The following SMAD1 variants were observed in gnomAD, a reference collection of about 807,000 sequenced individuals.
SMAD1 encodes MAD, mothers against decapentaplegic homolog 1.
SMAD1 carries 6 observed loss-of-function variants against 41.6 expected under a neutral mutation model. The observed-to-expected ratio is 0.14, with a 90% CI of 0.08 to 0.28. SMAD1 has a LOEUF of 0.28. Ranked by LOEUF, SMAD1 falls within the 10% of genes least tolerant of loss-of-function variation. The pLI is 1.00. For missense variants in SMAD1, 379 were observed against 582.6 expected, an observed-to-expected ratio of 0.65 and a Z score of 3.60; for synonymous variants, 206 against 203.2, an observed-to-expected ratio of 1.01 and a Z score of -0.12.
At chr4:145,489,954 G>A (rs1247089602) in intron 1 of SMAD1, among the ~76,000 whole-genome samples, 1 of 152,178 alleles carries the variant, frequency 6.6e-6, no homozygotes, top group African/African-American at 2.4e-5. Flanking sequence ...GGTCAGAGGA[G>A]TGGGAAAACC....
intron 1 of SMAD1, among the ~76,000 whole-genome samples, chr4:145,509,463 C>A (rs554164309): frequency 5.9e-5 from 9 of 152,160 alleles, no homozygotes; most frequent in Non-Finnish European, 1.3e-4. Context: ...ATAAATACCC[C>A]CAAGTGATTT....
At chr4:145,488,103 A>C (rs1242790875) in intron 1 of SMAD1, among the ~76,000 whole-genome samples, 3 of 151,792 alleles carry the variant, frequency 2.0e-5, no homozygotes, top group Admixed American at 1.3e-4. Context: ...TTATGTTCTT[A>C]GTGTTTGAAA....
At chr4:145,502,387 A>G (rs957935706) in intron 1 of SMAD1, among the ~76,000 whole-genome samples, 3 of 152,246 alleles carry the variant, frequency 2.0e-5, no homozygotes, top group Non-Finnish European at 4.4e-5. Context: ...GCAAGAAGAT[A>G]TAGAAAAGCC....
chr4:145,499,482 G>C (rs889356121), intron 1 of SMAD1, among the ~76,000 whole-genome samples: 4 of 152,114 alleles, frequency 2.6e-5, no homozygotes, highest in African/African-American at 9.7e-5. Flanking sequence ...TTAGCCAGGC[G>C]AGATGGCACT....
intron 2 of SMAD1, among the ~76,000 whole-genome samples, chr4:145,523,395 T>C (rs894679295): frequency 6.6e-6 from 1 of 152,208 alleles, no homozygotes; most frequent in African/African-American, 2.4e-5. Flanking sequence ...TATATGTGTA[T>C]GTTTCAGTGC....
rs17020302 is a variant in SMAD1, at chr4:145,542,374, A to C, written c.659-208A>C. 3.8e-3 allele frequency among the ~76,000 whole-genome samples: 577 copies of C among 152,312 alleles called. 1 individual carries two copies. Among genetic ancestry groups the C allele is most frequent in the African/African-American group, 0.013 (548 of 41,572 alleles). Reference sequence around the variant, plus strand: ...TAGTATAATTCTTTTCCTCCCACTGAATTTTCACAAAAATGTATATGATTG... The same window carrying C: ...TAGTATAATTCTTTTCCTCCCACTGCATTTTCACAAAAATGTATATGATTG... On this transcript the variant is annotated intron_variant, in intron 3 of 6. Coordinates refer to ENST00000302085, the MANE Select transcript of SMAD1 (RefSeq NM_005900.3).
chr4:145,517,528 A>G lies in SMAD1; in HGVS notation c.400+2515A>G, dbSNP rs367993953. ...GTTCTGTTGGTCTTCTCTGCAAGAT[A>G]GTAAATAAAGCTCCATGAGGGCAGG... On this transcript the variant is annotated intron_variant, in intron 2 of 6. Transcript: ENST00000302085. Among the ~76,000 whole-genome samples, 6 of 152,172 alleles carry G rather than the reference A, an allele frequency of 3.9e-5. No individual in the cohort carries two copies. The South Asian group carries it at 1.2e-3, about 32-fold the overall frequency.
chr4:145,505,463 T>C (rs1729714615), intron 1 of SMAD1, among the ~76,000 whole-genome samples: 1 of 151,914 alleles, frequency 6.6e-6, no homozygotes, highest in South Asian at 2.1e-4. Context: ...GAAAATAATA[T>C]AAAAAATTAG....
In SMAD1 at chr4:145,550,283, C is replaced by T. The variant is rs150142103; in HGVS notation, c.997+3359C>T. Among the ~76,000 whole-genome samples, 589 of 152,192 alleles carry T rather than the reference C, an allele frequency of 3.9e-3. 4 individuals carry two copies. The highest frequency in any genetic ancestry group is 0.014 in the African/African-American group (572 of 41,516). On this transcript the variant is annotated intron_variant, in intron 5 of 6. Transcript: ENST00000302085. Reference sequence around the variant, plus strand: ...ATTCCAGTGCTTTGGGAGGCTAAGGCAGGTGGATCAGTTGAGGTCAGGAGT... The same window carrying T: ...ATTCCAGTGCTTTGGGAGGCTAAGGTAGGTGGATCAGTTGAGGTCAGGAGT...
chr4:145,550,092 A>G (rs1732473653), intron 5 of SMAD1, among the ~76,000 whole-genome samples: 1 of 148,694 alleles, frequency 6.7e-6, no homozygotes, highest in African/African-American at 2.6e-5. Flanking sequence ...AGATGCCCTT[A>G]GTAGTGTACT....
intron 2 of SMAD1, among the ~76,000 whole-genome samples, chr4:145,534,647 C>G (rs1274621900): frequency 6.6e-6 from 1 of 152,138 alleles, no homozygotes; most frequent in Non-Finnish European, 1.5e-5. Flanking sequence ...AGCGGCAACT[C>G]CAATCACTGG....
At chr4:145,515,883 G>A (rs2126417058) in intron 2 of SMAD1, among the ~76,000 whole-genome samples, 1 of 152,198 alleles carries the variant, frequency 6.6e-6, no homozygotes, top group Non-Finnish European at 1.5e-5. Flanking sequence ...GGGATAGCCT[G>A]GTAATCTTTG....
chr4:145,508,975 A>G (rs1165647347), intron 1 of SMAD1, among the ~76,000 whole-genome samples: 2 of 152,220 alleles, frequency 1.3e-5, no homozygotes, highest in Admixed American at 6.5e-5. Flanking sequence ...GGATTTCAAC[A>G]TGTGAATTTA....
At chr4:145,501,206 C>G (rs529291004) in intron 1 of SMAD1, among the ~76,000 whole-genome samples, 118 of 152,256 alleles carry the variant, frequency 7.8e-4, no homozygotes, top group Non-Finnish European at 1.4e-3. Context: ...AATGACAGAT[C>G]AACAAGTTTT....
chr4:145,525,137 C>T (rs1231273571), intron 2 of SMAD1, among the ~76,000 whole-genome samples: 1 of 152,198 alleles, frequency 6.6e-6, no homozygotes, highest in Non-Finnish European at 1.5e-5. Context: ...GTAATGATCT[C>T]AGGCTGATTA....
chr4:145,557,787 C>T lies in SMAD1; in HGVS notation c.1255-4C>T. 2 of 1,598,996 alleles carry T rather than the reference C, an allele frequency of 1.3e-6. No individual in the cohort carries two copies. Among genetic ancestry groups the T allele is most frequent in the Non-Finnish European group, 1.7e-6 (2 of 1,171,954 alleles). ...TTAAATGACCTCCAGTATGTTTTTCCTAGGGCTGGGGAGCAGAATACCACC... is the reference window on the plus strand; with the variant it reads ...TTAAATGACCTCCAGTATGTTTTTCTTAGGGCTGGGGAGCAGAATACCACC... On this transcript the variant is annotated splice_region_variant and splice_polypyrimidine_tract_variant and intron_variant, in intron 6 of 6. Coordinates refer to ENST00000302085, the MANE Select transcript of SMAD1 (RefSeq NM_005900.3).
chr4:145,507,586 C>T (rs1013679871), intron 1 of SMAD1, among the ~76,000 whole-genome samples: 2 of 151,020 alleles, frequency 1.3e-5, no homozygotes, highest in Non-Finnish European at 2.9e-5. Flanking sequence ...CAGAATATTT[C>T]CTTAGAGTAA....
chr4:145,490,771 T>C (rs1040719029), intron 1 of SMAD1, among the ~76,000 whole-genome samples: 1 of 152,156 alleles, frequency 6.6e-6, no homozygotes, highest in Non-Finnish European at 1.5e-5. Context: ...TAGATAAAGG[T>C]TTCTAAGAAA....
At chr4:145,535,775 AT>A (rs1731577708) in intron 2 of SMAD1, among the ~76,000 whole-genome samples, 1 of 152,012 alleles carries the variant, frequency 6.6e-6, no homozygotes, top group South Asian at 2.1e-4. Context: ...TGTTGATTTA[AT>A]TTTGCTTTTT....
Sources: allele counts gnomAD v4.1 joint callset (sites outside exome capture counted in the v4.1 genomes callset), GRCh38; gene constraint gnomAD v4.1.1; transcripts MANE v1.5; gene names NCBI Gene and HGNC (gene_info 2026-07-23, HGNC 2026-07-21).